Variants in PPP1R1C observed in about 807,000 individuals in gnomAD.
PPP1R1C encodes the protein protein phosphatase 1 regulatory inhibitor subunit 1C.
Under a neutral mutation model 17.4 loss-of-function variants are expected in PPP1R1C, and 15 were observed. The ratio of observed to expected loss-of-function variants is 0.86; its 90% CI spans 0.58 to 1.33. The LOEUF is 1.33. PPP1R1C is among the 40% of genes most tolerant of loss of function. The probability of loss-of-function intolerance (pLI) is 0.00; values close to 1 mark genes in which losing one functional copy is unlikely to be tolerated. For missense variants in PPP1R1C, 143 were observed against 130.0 expected, an observed-to-expected ratio of 1.10 and a Z score of -0.48; for synonymous variants, 35 against 43.1, an observed-to-expected ratio of 0.81 and a Z score of 0.73.
chr2:182,104,737 C>T (rs1052989802), intron 4 of PPP1R1C, among the ~76,000 whole-genome samples: 1 of 152,078 alleles, frequency 6.6e-6, no homozygotes, highest in Non-Finnish European at 1.5e-5. Context: ...TTGTGGCATC[C>T]TTTTGTGGCT....
At chr2:181,987,201 CAAAT>C (rs1000262027) in intron 1 of PPP1R1C, among the ~76,000 whole-genome samples, 21 of 151,034 alleles carry the variant, frequency 1.4e-4, no homozygotes, top group Admixed American at 2.0e-4. Flanking sequence ...ATATAATAAA[CAAAT>C]AAAGGATATT....
intron 2 of PPP1R1C, among the ~76,000 whole-genome samples, chr2:182,057,818 T>C (rs1033275352): frequency 6.6e-6 from 1 of 152,154 alleles, no homozygotes; most frequent in African/African-American, 2.4e-5. Context: ...CATGACTCTC[T>C]GTTGCTCTTC....
At chr2:182,077,229 T>C (rs1419945430) in intron 4 of PPP1R1C, among the ~76,000 whole-genome samples, 1 of 149,770 alleles carries the variant, frequency 6.7e-6, no homozygotes, top group Admixed American at 6.6e-5. Context: ...AAACTGTTTG[T>C]TTTAAAGTAA....
At chr2:182,066,972 G>C (rs5003053) in intron 4 of PPP1R1C, among the ~76,000 whole-genome samples, 1 of 147,922 alleles carries the variant, frequency 6.8e-6, no homozygotes, top group Non-Finnish European at 1.5e-5. Context: ...GTGTGTTTGT[G>C]TGTGTGTGTG....
chr2:182,028,657 G>A (rs944113500), intron 2 of PPP1R1C, among the ~76,000 whole-genome samples: 1 of 151,608 alleles, frequency 6.6e-6, no homozygotes, highest in African/African-American at 2.4e-5. Flanking sequence ...TGGAATAGGT[G>A]TGGTGTGGTG....
At chr2:181,970,506 C>T (rs1400308395) in intron 1 of PPP1R1C, among the ~76,000 whole-genome samples, 1 of 152,136 alleles carries the variant, frequency 6.6e-6, no homozygotes, top group East Asian at 1.9e-4. Context: ...GTTTTTCTCT[C>T]AGTGCCGAGC....
At chr2:182,001,912 T>G (rs1405863621) in intron 2 of PPP1R1C, among the ~76,000 whole-genome samples, 1 of 152,156 alleles carries the variant, frequency 6.6e-6, no homozygotes, top group African/African-American at 2.4e-5. Flanking sequence ...CAACTTATTT[T>G]TACCCTACTG....
intron 2 of PPP1R1C, among the ~76,000 whole-genome samples, chr2:182,057,136 A>C (rs572549357): frequency 1.3e-5 from 2 of 152,320 alleles, no homozygotes; most frequent in Non-Finnish European, 2.9e-5. Flanking sequence ...AGATAAATTT[A>C]TTTGACAGGT....
chr2:181,954,860 C>T (rs1387199586), intron 1 of PPP1R1C, among the ~76,000 whole-genome samples: 1 of 151,884 alleles, frequency 6.6e-6, no homozygotes, highest in Non-Finnish European at 1.5e-5. Flanking sequence ...TTTTTTTTCC[C>T]TAGGCATGTC....
intron 2 of PPP1R1C, among the ~76,000 whole-genome samples, chr2:181,996,071 G>A (rs1266540169): frequency 6.6e-6 from 1 of 152,156 alleles, no homozygotes; most frequent in Non-Finnish European, 1.5e-5. Context: ...CATTGAGAAA[G>A]CACTATAACA....
chr2:182,106,638 C>T (rs937553542), intron 4 of PPP1R1C, among the ~76,000 whole-genome samples: 1 of 152,154 alleles, frequency 6.6e-6, no homozygotes, highest in African/African-American at 2.4e-5. Flanking sequence ...TTTTTTGGTA[C>T]ACTTGGGCAA....
intron 2 of PPP1R1C, among the ~76,000 whole-genome samples, chr2:182,020,913 G>A (rs1045840005): frequency 6.6e-6 from 1 of 152,084 alleles, no homozygotes; most frequent in African/African-American, 2.4e-5. Flanking sequence ...CTCTCTAGAA[G>A]GTCACTTTAT....
chr2:182,083,172 C>G (rs555555404), intron 4 of PPP1R1C, among the ~76,000 whole-genome samples: 1 of 152,260 alleles, frequency 6.6e-6, no homozygotes, highest in Non-Finnish European at 1.5e-5. Context: ...GTCATACTTT[C>G]AATTGTGTAC....
chr2:182,023,627 G>A (rs1471394721), intron 2 of PPP1R1C, among the ~76,000 whole-genome samples: 3 of 151,746 alleles, frequency 2.0e-5, no homozygotes, highest in African/African-American at 7.3e-5. Flanking sequence ...TTAAATTATT[G>A]ATTTTTTTTT....
intron 2 of PPP1R1C, among the ~76,000 whole-genome samples, chr2:182,015,071 A>G (rs1686217274): frequency 6.6e-6 from 1 of 152,176 alleles, no homozygotes; most frequent in Non-Finnish European, 1.5e-5. Flanking sequence ...CCAAGCTGCA[A>G]GACAAAGTCC....
intron 4 of PPP1R1C, among the ~76,000 whole-genome samples, chr2:182,107,517 A>G (rs1335235380): frequency 1.3e-5 from 2 of 152,200 alleles, no homozygotes; most frequent in African/African-American, 4.8e-5. Flanking sequence ...ACGAAAAACA[A>G]ATTAACAAGG....
chr2:182,106,895 G>A lies in PPP1R1C; in HGVS notation c.242-10312G>A, dbSNP rs369849215. On this transcript the variant is annotated intron_variant, in intron 4 of 4. Coordinates refer to ENST00000682840, the MANE Select transcript of PPP1R1C (RefSeq NM_001080545.3). ...GCTCCCCATAGAGGTTTGAGCAGGGGGACACCAGAAGAAGCAAGCCACACC... is the reference window on the plus strand; with the variant it reads ...GCTCCCCATAGAGGTTTGAGCAGGGAGACACCAGAAGAAGCAAGCCACACC... Among the ~76,000 whole-genome samples, 3 of 152,236 alleles carry A rather than the reference G, an allele frequency of 2.0e-5. No homozygotes were observed. In the East Asian group the frequency reaches 5.8e-4, roughly 29 times the overall value.
At chr2:182,066,461 C>T (rs1012450277) in intron 4 of PPP1R1C, among the ~76,000 whole-genome samples, 1 of 151,970 alleles carries the variant, frequency 6.6e-6, no homozygotes, top group African/African-American at 2.4e-5. Flanking sequence ...AAAAGAGAGC[C>T]CTGCAGCAGC....
intron 4 of PPP1R1C, among the ~76,000 whole-genome samples, chr2:182,087,143 G>C (rs1363007371): frequency 7.2e-5 from 11 of 152,166 alleles, no homozygotes; most frequent in Admixed American, 5.9e-4. Context: ...TTGAGCTGTC[G>C]ATAGTTTTCA....
Sources: allele counts gnomAD v4.1 joint callset (sites outside exome capture counted in the v4.1 genomes callset), GRCh38; gene constraint gnomAD v4.1.1; transcripts MANE v1.5; gene names NCBI Gene and HGNC (gene_info 2026-07-23, HGNC 2026-07-21).